The following WWOX variants were observed in gnomAD, a reference collection of about 807,000 sequenced individuals.
WWOX encodes WW domain-containing oxidoreductase.
In WWOX, 69 loss-of-function variants were observed where a neutral mutation model predicts 46.2. That is an observed-to-expected ratio of 1.49 (90% CI 1.23 to 1.82). The LOEUF is 1.82. WWOX is among the 40% of genes most tolerant of loss of function. The pLI, the probability that WWOX is intolerant of heterozygous loss-of-function variation, is 0.00. For synonymous variants in WWOX, 359 were observed against 202.6 expected, an observed-to-expected ratio of 1.77 and a Z score of -6.56; for missense variants, 919 against 542.6, an observed-to-expected ratio of 1.69 and a Z score of -6.89.
chr16:78,540,012 T>TCA (rs2043851180), intron 8 of WWOX, among the ~76,000 whole-genome samples: 1 of 129,346 alleles, frequency 7.7e-6, no homozygotes, highest in African/African-American at 2.7e-5. Flanking sequence ...TCTCTCTCTC[T>TCA]CTCTCTCTCA....
chr16:78,806,391 A>T (rs1324389650), intron 8 of WWOX, among the ~76,000 whole-genome samples: 1 of 152,140 alleles, frequency 6.6e-6, no homozygotes, highest in African/African-American at 2.4e-5. Context: ...AAACAACAAC[A>T]TTTATTTTGT....
intron 5 of WWOX, among the ~76,000 whole-genome samples, chr16:78,206,059 C>T (rs978784860): frequency 1.1e-4 from 16 of 151,432 alleles, no homozygotes; most frequent in Admixed American, 2.6e-4. Context: ...TATCAATAGA[C>T]GATTAATGGA....
At chr16:78,376,123 T>C (rs2081819090) in intron 5 of WWOX, among the ~76,000 whole-genome samples, 1 of 152,202 alleles carries the variant, frequency 6.6e-6, no homozygotes, top group Non-Finnish European at 1.5e-5. Flanking sequence ...GTGCTGGGAT[T>C]ACAGGCATGA....
chr16:78,910,216 C>G (rs576137673), intron 8 of WWOX, among the ~76,000 whole-genome samples: 1 of 152,248 alleles, frequency 6.6e-6, no homozygotes, highest in East Asian at 1.9e-4. Context: ...CATGAACTGT[C>G]ACTTCAAGGG....
intron 5 of WWOX, among the ~76,000 whole-genome samples, chr16:78,359,405 A>G (rs1369143589): frequency 2.0e-5 from 3 of 152,228 alleles, no homozygotes; most frequent in African/African-American, 7.2e-5. Flanking sequence ...AATTCTTATT[A>G]ACACACTAAT....
At chr16:78,297,479 CA>C (rs1178314628) in intron 5 of WWOX, among the ~76,000 whole-genome samples, 2 of 151,936 alleles carry the variant, frequency 1.3e-5, no homozygotes, top group Non-Finnish European at 2.9e-5. Context: ...CATTTGATGC[CA>C]AAAAAATATG....
chr16:78,796,208 C>T (rs2737296), intron 8 of WWOX, among the ~76,000 whole-genome samples: 3 of 152,054 alleles, frequency 2.0e-5, no homozygotes, highest in Non-Finnish European at 2.9e-5. Flanking sequence ...TGATTGCTTG[C>T]TGAAGTAACA....
At chr16:78,841,787 T>C (rs907615240) in intron 8 of WWOX, among the ~76,000 whole-genome samples, 1 of 152,186 alleles carries the variant, frequency 6.6e-6, no homozygotes, top group African/African-American at 2.4e-5. Context: ...TTAAAAAAAA[T>C]TTATGACATA....
intron 8 of WWOX, among the ~76,000 whole-genome samples, chr16:78,882,540 G>A (rs182648284): frequency 2.9e-3 from 432 of 151,290 alleles, no homozygotes; most frequent in African/African-American, 0.01. Flanking sequence ...GCATTGGTGG[G>A]ATCTCAGCTC....
intron 8 of WWOX, among the ~76,000 whole-genome samples, chr16:78,638,441 C>G (rs78661967): frequency 2.0e-5 from 3 of 151,598 alleles, no homozygotes; most frequent in African/African-American, 7.3e-5. Context: ...TTTTTTGTTT[C>G]CTCTGCAAGC....
chr16:79,187,485 C>G (rs2051040407), intron 8 of WWOX, among the ~76,000 whole-genome samples: 1 of 152,194 alleles, frequency 6.6e-6, no homozygotes, highest in South Asian at 2.1e-4. Context: ...ACTGCATTCT[C>G]CATTTCCCAG....
chr16:78,930,226 C>T (rs2045590350), intron 8 of WWOX, among the ~76,000 whole-genome samples: 1 of 87,976 alleles, frequency 1.1e-5, no homozygotes, highest in Admixed American at 1.3e-4. Flanking sequence ...GACCTTTCTT[C>T]CTTCCTTCCT....
intron 4 of WWOX, among the ~76,000 whole-genome samples, chr16:78,138,250 A>G (rs2033867884): frequency 6.6e-6 from 1 of 151,004 alleles, no homozygotes; most frequent in Non-Finnish European, 1.5e-5. Context: ...TTGTGTGTTC[A>G]ATGACTTACC....
intron 8 of WWOX, among the ~76,000 whole-genome samples, chr16:78,655,824 A>C (rs1390494455): frequency 1.3e-5 from 2 of 152,206 alleles, no homozygotes; most frequent in Non-Finnish European, 2.9e-5. Flanking sequence ...AAGTTAGTCT[A>C]TATTTAGGTG....
At chr16:78,744,155 C>T (rs889143453) in intron 8 of WWOX, among the ~76,000 whole-genome samples, 16 of 152,032 alleles carry the variant, frequency 1.1e-4, no homozygotes, top group African/African-American at 3.9e-4. Context: ...GCATTTGATA[C>T]AGATCAGAAG....
intron 8 of WWOX, among the ~76,000 whole-genome samples, chr16:78,592,535 A>T (rs2045375766): frequency 6.6e-6 from 1 of 152,208 alleles, no homozygotes; most frequent in African/African-American, 2.4e-5. Flanking sequence ...CAAGAGGAAG[A>T]AGACAAGAAT....
At chr16:78,400,796 C>T (rs9674169) in intron 6 of WWOX, among the ~76,000 whole-genome samples, 23,026 of 152,184 alleles carry the variant, frequency 0.15, 4,936 homozygotes, top group African/African-American at 0.48. Context: ...ACCCCTCAAT[C>T]AACACTACAA....
At chr16:79,091,499 C>G (rs2048959511) in intron 8 of WWOX, among the ~76,000 whole-genome samples, 1 of 152,230 alleles carries the variant, frequency 6.6e-6, no homozygotes, top group African/African-American at 2.4e-5. Flanking sequence ...GATTTATGAT[C>G]TTCGGATTTG....
chr16:78,398,480 T>A lies in WWOX; in HGVS notation c.605+11532T>A, dbSNP rs2082338980. On this transcript the variant is annotated intron_variant, in intron 6 of 8. Coordinates refer to ENST00000566780, the MANE Select transcript of WWOX (RefSeq NM_016373.4). ...AACCAAGCTGGATTCATGGATTGCT[T>A]GTGTCACGTCCTCTACAGAGCCTCC... 2.0e-5 allele frequency among the ~76,000 whole-genome samples: 3 copies of A among 152,224 alleles called. No homozygotes were observed. In the South Asian group the frequency reaches 6.2e-4, roughly 31 times the overall value.
Sources: allele counts gnomAD v4.1 joint callset (sites outside exome capture counted in the v4.1 genomes callset), GRCh38; gene constraint gnomAD v4.1.1; transcripts MANE v1.5; gene names NCBI Gene and HGNC (gene_info 2026-07-23, HGNC 2026-07-21).